The following SYBU variants were observed in gnomAD, a reference collection of about 807,000 sequenced individuals.
SYBU encodes GOLSYN A protein.
In SYBU, 21 loss-of-function variants were observed where a neutral mutation model predicts 35.9. The observed-to-expected ratio is 0.58, with a 90% CI of 0.41 to 0.84. The LOEUF (loss-of-function observed/expected upper bound fraction) is 0.84. SYBU is among the 40% of genes least tolerant of loss of function. The pLI is 0.00. For synonymous variants in SYBU, 319 were observed against 324.3 expected (o/e 0.98, Z 0.18); for missense variants, 768 against 848.2 (o/e 0.91, Z 1.17).
intron 1 of SYBU, among the ~76,000 whole-genome samples, chr8:109,660,801 T>C (rs533966317): frequency 6.6e-6 from 1 of 152,350 alleles, no homozygotes; most frequent in Admixed American, 6.5e-5. Context: ...TACCTTTTTT[T>C]ACTTATGACA....
At chr8:109,578,106 T>C (rs938785249) in intron 5 of SYBU, 89 bp from the exon 6 acceptor site, 2 of 1,366,750 alleles carry the variant, frequency 1.5e-6, no homozygotes, top group East Asian at 2.4e-5. Flanking sequence ...CAACTGAATG[T>C]CTGTGTCCCT....
chr8:109,608,407 T>C (rs889084019), intron 3 of SYBU, among the ~76,000 whole-genome samples: 2 of 152,314 alleles, frequency 1.3e-5, no homozygotes, highest in South Asian at 4.1e-4. Context: ...ACAAATTTTA[T>C]GGCAAACACC....
chr8:109,640,374 C>T (rs79362376), intron 2 of SYBU, among the ~76,000 whole-genome samples: 13,877 of 151,908 alleles, frequency 0.091, 830 homozygotes, highest in South Asian at 0.24. Context: ...TTGTTTTGAA[C>T]AACTTTTTCT....
intron 2 of SYBU, among the ~76,000 whole-genome samples, chr8:109,624,927 C>A (rs549888412): frequency 6.6e-6 from 1 of 152,054 alleles, no homozygotes; most frequent in African/African-American, 2.4e-5. Flanking sequence ...CATCAGTGGC[C>A]ATCTAGCCAA....
At chr8:109,661,909 G>A (rs1816577084) in intron 1 of SYBU, among the ~76,000 whole-genome samples, 1 of 152,154 alleles carries the variant, frequency 6.6e-6, no homozygotes, top group East Asian at 1.9e-4. Context: ...CTTTCCTTCA[G>A]TGCTTTTAAC....
intron 1 of SYBU, among the ~76,000 whole-genome samples, chr8:109,673,592 G>C (rs1264763615): frequency 6.6e-6 from 1 of 152,128 alleles, no homozygotes; most frequent in Non-Finnish European, 1.5e-5. Flanking sequence ...GTGCAAAAAG[G>C]CTGAAAATTC....
chr8:109,655,274 G>C (rs1816309764), intron 1 of SYBU, among the ~76,000 whole-genome samples: 2 of 152,194 alleles, frequency 1.3e-5, no homozygotes, highest in South Asian at 4.1e-4. Flanking sequence ...CCAGAGTCAT[G>C]GCATTTGCTC....
chr8:109,689,049 A>G (rs1312159497), intron 1 of SYBU, among the ~76,000 whole-genome samples: 1 of 152,184 alleles, frequency 6.6e-6, no homozygotes, highest in African/African-American at 2.4e-5. Flanking sequence ...CTTAGAATAT[A>G]TAGTAAAATG....
At chr8:109,579,771 A>T in intron 5 of SYBU, 28 bp downstream of exon 5, 1 of 1,593,734 alleles carries the variant, frequency 6.3e-7, no homozygotes, top group Non-Finnish European at 8.6e-7. Context: ...ACAAACTAAG[A>T]TGCATGAATT....
At chr8:109,608,292 T>C (rs893692512) in intron 3 of SYBU, among the ~76,000 whole-genome samples, 7 of 152,144 alleles carry the variant, frequency 4.6e-5, no homozygotes, top group African/African-American at 1.2e-4. Context: ...CCTCGGACAA[T>C]ATTGGACCAA....
chr8:109,640,804 C>CA (rs1814777469), intron 2 of SYBU, among the ~76,000 whole-genome samples: 1 of 41,158 alleles, frequency 2.4e-5, no homozygotes, highest in Non-Finnish European at 5.1e-5. Flanking sequence ...AAATTGTTAG[C>CA]AAAAAATTAG....
chr8:109,656,048 G>T (rs534346699), intron 1 of SYBU, among the ~76,000 whole-genome samples: 2 of 152,198 alleles, frequency 1.3e-5, no homozygotes, highest in African/African-American at 4.8e-5. Flanking sequence ...CCCAGGAAGC[G>T]GAGGTTGCAG....
chr8:109,578,858 G>C (rs1000283285), intron 5 of SYBU, among the ~76,000 whole-genome samples: 3 of 152,170 alleles, frequency 2.0e-5, no homozygotes, highest in African/African-American at 7.2e-5. Flanking sequence ...ATCAATCCCT[G>C]CTGTGAGTAT....
In SYBU at chr8:109,618,880, C is replaced by T. The variant is rs539680097; in HGVS notation, c.389G>A (p.Arg130Gln). The stretch of plus-strand genomic sequence containing the variant: ...GCCTGACTTTGATTCCTTCTTATAT[C>T]GAGAGGACTGAATGCTTCCTTCACC... ...MVGEGSIQSS[R>Q]YKKESKSGLV... Residue 130 changes from arginine (R) to glutamine (Q), a missense_variant, in exon 3 of 7, where the codon CGA becomes CAA. By Grantham distance (43) the Arg-to-Gln change is conservative. Transcript: ENST00000276646. 8.1e-6 allele frequency: 13 copies of T among 1,614,156 alleles called. No homozygotes were observed. The highest frequency in any genetic ancestry group is 6.7e-5 in the Admixed American group (4 of 60,022).
chr8:109,674,885 A>G (rs914260170), intron 1 of SYBU, among the ~76,000 whole-genome samples: 8 of 152,190 alleles, frequency 5.3e-5, no homozygotes, highest in African/African-American at 1.9e-4. Context: ...TAGACCATGT[A>G]ATTGGAAGTA....
chr8:109,577,753 C>T, intron 6 of SYBU, 115 bp downstream of exon 6: 1 of 1,210,280 alleles, frequency 8.3e-7, no homozygotes, highest in Non-Finnish European at 1.1e-6. Flanking sequence ...AAAATTTGAC[C>T]AAAATTGAAT....
intron 3 of SYBU, among the ~76,000 whole-genome samples, chr8:109,610,349 C>T (rs1811036693): frequency 6.6e-6 from 1 of 152,230 alleles, no homozygotes; most frequent in Admixed American, 6.5e-5. Context: ...AATAAATATT[C>T]ATCAAATGAA....
chr8:109,602,204 A>C (rs961924267), intron 3 of SYBU, among the ~76,000 whole-genome samples: 25 of 152,212 alleles, frequency 1.6e-4, no homozygotes, highest in Admixed American at 2.0e-4. Context: ...ATTAAAAAAC[A>C]CCTTTATCTT....
chr8:109,689,832 G>GAAAA (rs544879954), intron 1 of SYBU, among the ~76,000 whole-genome samples: 4 of 102,732 alleles, frequency 3.9e-5, no homozygotes, highest in Non-Finnish European at 5.9e-5. Flanking sequence ...ACTACAATAT[G>GAAAA]AAAAAAAAAA....
Sources: allele counts gnomAD v4.1 joint callset (sites outside exome capture counted in the v4.1 genomes callset), GRCh38; gene constraint gnomAD v4.1.1; transcripts MANE v1.5; gene names NCBI Gene and HGNC (gene_info 2026-07-23, HGNC 2026-07-21).